SULF1: variants seen among roughly 807,000 people sequenced by gnomAD.
The protein encoded by SULF1 is extracellular sulfatase Sulf-1.
Under a neutral mutation model 110.5 loss-of-function variants are expected in SULF1, and 46 were observed. The ratio of observed to expected loss-of-function variants is 0.42; its 90% CI spans 0.33 to 0.53. SULF1 has a LOEUF of 0.53. Ranked by LOEUF, SULF1 falls within the 20% of genes least tolerant of loss-of-function variation. SULF1 has a pLI of 0.12. For missense variants in SULF1, 941 were observed against 1,094.2 expected (o/e 0.86, Z 1.98); for synonymous variants, 371 against 387.1 (o/e 0.96, Z 0.49).
At chr8:69,540,924 T>C (rs1216009527) in intron 3 of SULF1, among the ~76,000 whole-genome samples, 1 of 114,888 alleles carries the variant, frequency 8.7e-6, no homozygotes, top group Admixed American at 8.0e-5. Flanking sequence ...AACTTCACTC[T>C]AAACTAACCC....
chr8:69,572,916 C>T (rs1805336819), intron 5 of SULF1, among the ~76,000 whole-genome samples: 2 of 152,214 alleles, frequency 1.3e-5, no homozygotes, highest in African/African-American at 2.4e-5. Context: ...CAACCTCTGC[C>T]TCCTGGGTTC....
chr8:69,484,734 G>A (rs1269614283), intron 1 of SULF1, among the ~76,000 whole-genome samples: 1 of 152,082 alleles, frequency 6.6e-6, no homozygotes, highest in East Asian at 1.9e-4. Flanking sequence ...AACCAGATAG[G>A]ATTTAAAAAA....
In SULF1 at chr8:69,495,875, G is replaced by C. The variant is rs1158705468; in HGVS notation, c.-280G>C. 6.6e-6 allele frequency: 1 copy of C among 152,202 alleles called. No homozygotes were observed. The highest frequency in any genetic ancestry group is 1.5e-5 in the Non-Finnish European group (1 of 68,036). 9.4% of individuals were successfully genotyped at this position (152,202 alleles called of 1,614,324 possible). A position where few individuals can be genotyped will look rare whatever the true frequency, so the allele number is the denominator to read the frequency against. ...CAATAAGTTCATCCTTCTTCAGTGT[G>C]ACCAGTAAATTCTTCCCATACTCTT... On this transcript the variant is annotated 5_prime_UTR_variant, in exon 2 of 23. Transcript: ENST00000402687.
intron 19 of SULF1, among the ~76,000 whole-genome samples, chr8:69,632,675 A>G (rs1216958239): frequency 6.6e-6 from 1 of 152,130 alleles, no homozygotes; most frequent in Admixed American, 6.5e-5. Context: ...AAATAAACAC[A>G]CCGTCTATAT....
Position 69,636,340 on chromosome 8 carries a change from T to C in SULF1, c.2285-2162T>C, listed in dbSNP as rs190834825. Reference sequence around the variant, plus strand: ...TCACGAGGTCAGGAGATCAAGACCATCCTGGCTAACACGGTGAAACCCCGT... The same window carrying C: ...TCACGAGGTCAGGAGATCAAGACCACCCTGGCTAACACGGTGAAACCCCGT... On this transcript the variant is annotated intron_variant, in intron 19 of 22. Coordinates refer to ENST00000402687, the MANE Select transcript of SULF1 (RefSeq NM_001128205.2). Among the ~76,000 whole-genome samples the C allele has an allele frequency of 2.1e-3, 319 of 152,104 alleles. 2 individuals are homozygous for C. Among genetic ancestry groups the C allele is most frequent in the African/African-American group, 6.6e-3 (274 of 41,502 alleles).
At chr8:69,497,757 G>T (rs551823523) in intron 2 of SULF1, among the ~76,000 whole-genome samples, 1 of 152,022 alleles carries the variant, frequency 6.6e-6, no homozygotes, top group Non-Finnish European at 1.5e-5. Context: ...TCTGAACAAC[G>T]GGGACAACCA....
rs1163192826 is a variant in SULF1 at position 69,658,900 on chromosome 8, G to T, written c.*365G>T. ...TTTGAACCGACCAACATTAAGTCCA[G>T]AGAGTAAACTTGAATGGAATAACGA... On this transcript the variant is annotated 3_prime_UTR_variant, in exon 23 of 23. Coordinates refer to ENST00000402687, the MANE Select transcript of SULF1 (RefSeq NM_001128205.2). 14 of 487,790 alleles carry T rather than the reference G, an allele frequency of 2.9e-5. No homozygotes were observed. Among genetic ancestry groups the T allele is most frequent in the Non-Finnish European group, 5.3e-5 (13 of 247,568 alleles). 30.2% of individuals were successfully genotyped at this position (487,790 alleles called of 1,614,324 possible).
At chr8:69,611,282 C>G (rs1451636988) in intron 13 of SULF1, among the ~76,000 whole-genome samples, 1 of 152,224 alleles carries the variant, frequency 6.6e-6, no homozygotes, top group Non-Finnish European at 1.5e-5. Context: ...TGGCCAAGAT[C>G]AGTTTACCAA....
chr8:69,523,213 C>T (rs182875120), intron 3 of SULF1, among the ~76,000 whole-genome samples: 33 of 152,200 alleles, frequency 2.2e-4, no homozygotes, highest in African/African-American at 3.6e-4. Context: ...CTATCTACTC[C>T]GATAGAAGAA....
intron 22 of SULF1, among the ~76,000 whole-genome samples, chr8:69,655,932 T>C (rs1028117640): frequency 2.6e-5 from 4 of 152,354 alleles, no homozygotes; most frequent in East Asian, 1.9e-4. Flanking sequence ...ATCTGATAAA[T>C]CTATTAAATG....
At chr8:69,606,626 G>A (rs918550456) in intron 13 of SULF1, among the ~76,000 whole-genome samples, 6 of 152,102 alleles carry the variant, frequency 3.9e-5, no homozygotes, top group African/African-American at 9.7e-5. Flanking sequence ...CATATGGCTT[G>A]CCCTAAAATT....
intron 3 of SULF1, among the ~76,000 whole-genome samples, chr8:69,516,366 AG>A (rs961542583): frequency 3.9e-4 from 54 of 138,174 alleles, no homozygotes; most frequent in African/African-American, 1.3e-3. Context: ...GGGAGAGTAA[AG>A]GGAGAAGTGC....
intron 8 of SULF1, chr8:69,592,897 C>G (rs1807015710): frequency 2.0e-6 from 2 of 987,132 alleles, no homozygotes; most frequent in African/African-American, 3.5e-5. Flanking sequence ...TGATGAGCCT[C>G]TCACACCTGG....
intron 8 of SULF1, among the ~76,000 whole-genome samples, chr8:69,594,199 G>A (rs1413366176): frequency 6.6e-6 from 1 of 152,074 alleles, no homozygotes; most frequent in Non-Finnish European, 1.5e-5. Flanking sequence ...TTACAGGCAT[G>A]CGCCACCACG....
intron 3 of SULF1, among the ~76,000 whole-genome samples, chr8:69,557,161 T>A (rs189286508): frequency 6.6e-6 from 1 of 152,362 alleles, no homozygotes; most frequent in Admixed American, 6.5e-5. Flanking sequence ...AAGTTTCCAA[T>A]GCCTCTTCTT....
At chr8:69,562,135 C>T (rs1815528531) in intron 3 of SULF1, among the ~76,000 whole-genome samples, 2 of 152,228 alleles carry the variant, frequency 1.3e-5, no homozygotes, top group Admixed American at 1.3e-4. Flanking sequence ...TTCTTCTTGT[C>T]TCTTTCTCTC....
intron 21 of SULF1, 91 bp from the exon 22 acceptor site, chr8:69,640,717 G>A (rs1563621858): frequency 1.8e-6 from 2 of 1,099,638 alleles, no homozygotes; most frequent in South Asian, 3.2e-5. Flanking sequence ...TTCTTTCTAG[G>A]ATTTAGATGT....
In SULF1 at chr8:69,563,621, CT is replaced by C. The variant is rs1481525257; in HGVS notation, c.-61+11del. 4.9e-6 allele frequency: 1 copy of C among 204,014 alleles called. No homozygotes were observed. The highest frequency in any genetic ancestry group is 1.0e-4 in the South Asian group (1 of 9,782). 12.6% of individuals were successfully genotyped at this position (204,014 alleles called of 1,614,324 possible). A position where few individuals can be genotyped will look rare whatever the true frequency, so the allele number is the denominator to read the frequency against. ...GGATACCTAATTCAAGGTATTAGCT[CT>C]CGTCAGAAAGCTTTTACATTTGAGC... On this transcript the variant is annotated intron_variant, in intron 4 of 22. Transcript: ENST00000402687.
chr8:69,543,841 G>A (rs965832056), intron 3 of SULF1, among the ~76,000 whole-genome samples: 22 of 152,198 alleles, frequency 1.4e-4, no homozygotes, highest in African/African-American at 4.6e-4. Context: ...AACTACAGGT[G>A]TACCAAGATA....
Sources: allele counts gnomAD v4.1 joint callset (sites outside exome capture counted in the v4.1 genomes callset), GRCh38; gene constraint gnomAD v4.1.1; transcripts MANE v1.5; gene names NCBI Gene and HGNC (gene_info 2026-07-23, HGNC 2026-07-21).